The following ABR variants were observed in gnomAD, a reference collection of about 807,000 sequenced individuals.
ABR encodes the protein active breakpoint cluster region-related protein.
In ABR, 35 loss-of-function variants were observed where a neutral mutation model predicts 107.2. That is an observed-to-expected ratio of 0.33 (90% confidence interval 0.25 to 0.43). The LOEUF (loss-of-function observed/expected upper bound fraction) is 0.43. ABR is among the 20% of genes least tolerant of loss of function. The probability of loss-of-function intolerance (pLI) is 1.00; values close to 1 mark genes in which losing one functional copy is unlikely to be tolerated. For missense variants in ABR, 815 were observed against 1,115.2 expected, an observed-to-expected ratio of 0.73 and a Z score of 3.83; for synonymous variants, 498 against 462.0, an observed-to-expected ratio of 1.08 and a Z score of -1.00.
chr17:1,124,477 T>C (rs1329805988), intron 2 of ABR, among the ~76,000 whole-genome samples: 1 of 152,182 alleles, frequency 6.6e-6, no homozygotes, highest in Non-Finnish European at 1.5e-5. Context: ...TCTGTTTTGC[T>C]CGTTCATGTG....
chr17:1,055,998 A>G (rs2033226294), intron 14 of ABR, 37 bp downstream of exon 14: 3 of 1,591,010 alleles, frequency 1.9e-6, no homozygotes, highest in Non-Finnish European at 2.6e-6. Context: ...AGAATCCACA[A>G]TGGCCCACCC....
exon 1 of ABR, among the ~76,000 whole-genome samples, chr17:1,229,192 C>T (rs1027082185): frequency 6.6e-6 from 1 of 151,582 alleles, no homozygotes; most frequent in Non-Finnish European, 1.5e-5. Context: ...CCGGGAGCCG[C>T]CTGGGGGTCC....
intron 1 of ABR, among the ~76,000 whole-genome samples, chr17:1,159,610 TAAGA>T (rs1467414863): frequency 2.0e-4 from 23 of 116,298 alleles, no homozygotes; most frequent in Admixed American, 3.3e-4. Flanking sequence ...ACATGAGAAG[TAAGA>T]ATGCGGTACT....
intron 16 of ABR, among the ~76,000 whole-genome samples, chr17:1,048,890 C>T (rs1005518229): frequency 7.9e-5 from 12 of 152,342 alleles, no homozygotes; most frequent in African/African-American, 2.2e-4. Context: ...AACCTCAGTA[C>T]GGGTCAGTTA....
At chr17:1,085,922 A>G (rs34795832) in intron 4 of ABR, among the ~76,000 whole-genome samples, 41,251 of 152,106 alleles carry the variant, frequency 0.27, 7,049 homozygotes, top group South Asian at 0.4. Context: ...CGAGGCGGGC[A>G]GATCACCTAA....
intron 1 of ABR, among the ~76,000 whole-genome samples, chr17:1,220,874 G>A (rs1354978551): frequency 6.6e-6 from 1 of 152,136 alleles, no homozygotes; most frequent in African/African-American, 2.4e-5. Context: ...TACTGTTGTG[G>A]GAGAGAAAAG....
At chr17:1,225,284 C>T (rs2043193753) in intron 1 of ABR, among the ~76,000 whole-genome samples, 1 of 152,132 alleles carries the variant, frequency 6.6e-6, no homozygotes, top group Non-Finnish European at 1.5e-5. Flanking sequence ...AGGTGTGAGC[C>T]ATTGTACCAG....
chr17:1,178,994 G>A (rs1164339444), intron 1 of ABR, among the ~76,000 whole-genome samples: 1 of 151,126 alleles, frequency 6.6e-6, no homozygotes, highest in Non-Finnish European at 1.5e-5. Flanking sequence ...TGGAGAACTC[G>A]AGAAGGTTTG....
At chr17:1,134,140 T>C (rs1284104923) in intron 1 of ABR, among the ~76,000 whole-genome samples, 1 of 151,968 alleles carries the variant, frequency 6.6e-6, no homozygotes, top group African/African-American at 2.4e-5. Flanking sequence ...ATTAGCCGGG[T>C]GGTGACTCAC....
At chr17:1,215,482 C>G (rs529732468) in intron 1 of ABR, among the ~76,000 whole-genome samples, 17 of 152,226 alleles carry the variant, frequency 1.1e-4, no homozygotes, top group Non-Finnish European at 2.1e-4. Context: ...CGCGAGTGAT[C>G]TGCCAGCCTC....
chr17:1,010,500 C>G lies in ABR; in HGVS notation c.2236+229G>C. The G allele has an allele frequency of 1.7e-6, 1 of 579,688 alleles. No homozygotes were observed. Among genetic ancestry groups the G allele is most frequent in the South Asian group, 2.1e-5 (1 of 47,496 alleles). The allele number at this position is 579,688 out of a possible 1,614,324, so 35.9% of individuals were successfully genotyped here. On this transcript the variant is annotated intron_variant, in intron 20 of 22. Transcript: ENST00000302538. The surrounding 1 kb of genome is among the most constrained non-coding windows in gnomAD (Gnocchi z 4.1). The stretch of plus-strand genomic sequence containing the variant: ...TCCAAATAGGAAGCAGAAGGGGCTG[C>G]CCATGGGGACATCAGGGGCAAGAGG...
At chr17:1,012,640 G>T in intron 18 of ABR, 48 bp downstream of exon 18, 6 of 1,423,326 alleles carry the variant, frequency 4.2e-6, no homozygotes, top group Non-Finnish European at 4.8e-6. Flanking sequence ...GGCTGGGGGG[G>T]ACCCGGGGCA....
At chr17:1,091,304 G>C (rs139668169) in intron 4 of ABR, among the ~76,000 whole-genome samples, 2 of 151,434 alleles carry the variant, frequency 1.3e-5, no homozygotes, top group Admixed American at 6.6e-5. Context: ...AGGGAGCACC[G>C]TCCGGGAAAG....
At chr17:1,178,905 T>A (rs1173943743) in intron 1 of ABR, among the ~76,000 whole-genome samples, 2 of 151,722 alleles carry the variant, frequency 1.3e-5, no homozygotes, top group Admixed American at 1.3e-4. Context: ...CCCCACACCA[T>A]TACCCGTGAT....
chr17:1,149,425 G>GC (rs2040704733), intron 1 of ABR, among the ~76,000 whole-genome samples: 1 of 130,466 alleles, frequency 7.7e-6, no homozygotes, highest in African/African-American at 2.8e-5. Context: ...TCTGGTTTTA[G>GC]TTTTTTTTTT....
At position 1,027,647 on chromosome 17, in the gene ABR, C is replaced by T. The variant is rs1180669423; in HGVS notation, c.1792-14483G>A. Reference sequence around the variant, plus strand: ...CAGCCAGCCTGGCCGCAGTCAGGACCCACACATAGGCCCAGGAAGAGGTGG... The same window carrying T: ...CAGCCAGCCTGGCCGCAGTCAGGACTCACACATAGGCCCAGGAAGAGGTGG... On this transcript the variant is annotated intron_variant, in intron 16 of 22. Coordinates refer to ENST00000302538, the MANE Select transcript of ABR (RefSeq NM_021962.5). The surrounding 1 kb of genome is among the most constrained non-coding windows in gnomAD (Gnocchi z 4.7). Among the ~76,000 whole-genome samples the T allele has an allele frequency of 6.6e-6, 1 of 151,954 alleles. No homozygotes were observed. Among genetic ancestry groups the T allele is most frequent in the African/African-American group, 2.4e-5 (1 of 41,342 alleles).
chr17:1,071,264 A>G lies in ABR; in HGVS notation c.895-1174T>C, dbSNP rs1487169766. 6.6e-6 allele frequency among the ~76,000 whole-genome samples: 1 copy of G among 152,166 alleles called. No individual in the cohort carries two copies. The highest frequency in any genetic ancestry group is 6.5e-5 in the Admixed American group (1 of 15,288). ...ACGACGGGATCCCCAGACGCTGCAC[A>G]TCAGCACCAGGAGCCGCACGGAATC... On this transcript the variant is annotated intron_variant, in intron 8 of 22. Transcript: ENST00000302538. The surrounding 1 kb of genome is among the most constrained non-coding windows in gnomAD (Gnocchi z 5.1).
At chr17:1,224,745 G>A (rs1206029814) in intron 1 of ABR, among the ~76,000 whole-genome samples, 1 of 152,168 alleles carries the variant, frequency 6.6e-6, no homozygotes, top group African/African-American at 2.4e-5. Context: ...CACAATCATA[G>A]CTCACTGAAG....
intron 1 of ABR, among the ~76,000 whole-genome samples, chr17:1,160,876 G>A (rs1262732920): frequency 6.6e-6 from 1 of 152,224 alleles, no homozygotes; most frequent in Non-Finnish European, 1.5e-5. Context: ...TCAGCGATAC[G>A]GAAATCTCCC....
Sources: allele counts gnomAD v4.1 joint callset (sites outside exome capture counted in the v4.1 genomes callset), GRCh38; gene constraint gnomAD v4.1.1; non-coding constraint Gnocchi (gnomAD v3.1); transcripts MANE v1.5; gene names NCBI Gene and HGNC (gene_info 2026-07-23, HGNC 2026-07-21).